CYP4F12: variants seen among roughly 807,000 people sequenced by gnomAD.
CYP4F12 encodes the protein cytochrome P450 family 4 subfamily F member 12.
In CYP4F12, 60 loss-of-function variants were observed where a neutral mutation model predicts 56.5. The ratio of observed to expected loss-of-function variants is 1.06; its 90% CI spans 0.86 to 1.32. The LOEUF (loss-of-function observed/expected upper bound fraction) is 1.32. CYP4F12 is among the 40% of genes most tolerant of loss of function. The probability of loss-of-function intolerance (pLI) is 0.00; values close to 1 mark genes in which losing one functional copy is unlikely to be tolerated. For synonymous variants in CYP4F12, 263 were observed against 264.9 expected (o/e 0.99, Z 0.07); for missense variants, 711 against 683.5 (o/e 1.04, Z -0.45).
At chr19:15,685,578 A>G (rs2007563159) in intron 9 of CYP4F12, among the ~76,000 whole-genome samples, 1 of 152,150 alleles carries the variant, frequency 6.6e-6, no homozygotes, top group Non-Finnish European at 1.5e-5. Flanking sequence ...CAATTCTTCC[A>G]TTATTGCTTA....
chr19:15,682,361 C>T (rs1217144265), intron 5 of CYP4F12, 28 bp from the exon 6 acceptor site: 18 of 1,609,868 alleles, frequency 1.1e-5, no homozygotes, highest in Non-Finnish European at 1.5e-5. Context: ...CAGGGCCCAG[C>T]TCTAGCTCTC....
intron 9 of CYP4F12, among the ~76,000 whole-genome samples, chr19:15,691,576 G>A (rs1041886983): frequency 6.6e-6 from 1 of 152,068 alleles, no homozygotes; most frequent in African/African-American, 2.4e-5. Context: ...AACATCCTTT[G>A]CCCAAGTTGA....
chr19:15,693,250 T>C (rs2007959641), intron 9 of CYP4F12, among the ~76,000 whole-genome samples: 1 of 152,148 alleles, frequency 6.6e-6, no homozygotes, highest in African/African-American at 2.4e-5. Flanking sequence ...TGTTTTATAG[T>C]TTTCAAATTC....
chr19:15,687,052 C>T (rs567753282), intron 9 of CYP4F12, among the ~76,000 whole-genome samples: 20 of 152,262 alleles, frequency 1.3e-4, no homozygotes, highest in African/African-American at 3.4e-4. Flanking sequence ...CCGAGGCGGG[C>T]GGATCACGAG....
intron 9 of CYP4F12, among the ~76,000 whole-genome samples, chr19:15,694,431 AT>A (rs1218646233): frequency 1.3e-5 from 2 of 151,782 alleles, no homozygotes; most frequent in Admixed American, 1.3e-4. Context: ...ATTCCTAGGT[AT>A]TTTCTTCTCT....
chr19:15,679,664 T>C (rs999915318), intron 3 of CYP4F12, among the ~76,000 whole-genome samples: 1 of 152,200 alleles, frequency 6.6e-6, no homozygotes, highest in Non-Finnish European at 1.5e-5. Flanking sequence ...CTCTTGGCCA[T>C]GTTTGTAGCT....
intron 2 of CYP4F12, among the ~76,000 whole-genome samples, chr19:15,675,101 A>T (rs1379475655): frequency 6.6e-6 from 1 of 152,172 alleles, no homozygotes; most frequent in Non-Finnish European, 1.5e-5. Context: ...TTCCAGGGAC[A>T]ATGTGCTCTT....
chr19:15,680,893 A>G (rs2007261525), intron 5 of CYP4F12: 1 of 340,940 alleles, frequency 2.9e-6, no homozygotes, highest in Non-Finnish European at 5.7e-6. Flanking sequence ...GTTCTTCTGG[A>G]TGTGGAAGGG....
chr19:15,689,596 A>G (rs994971666), intron 9 of CYP4F12, among the ~76,000 whole-genome samples: 21 of 152,216 alleles, frequency 1.4e-4, no homozygotes, highest in African/African-American at 4.8e-4. Flanking sequence ...CAGCAATCTC[A>G]CTACTAGGTA....
At chr19:15,678,852 C>T (rs113023755) in intron 3 of CYP4F12, among the ~76,000 whole-genome samples, 3,027 of 152,264 alleles carry the variant, frequency 0.02, 43 homozygotes, top group Non-Finnish European at 0.032. Context: ...CCCAGCCAGT[C>T]CTTGCACCAG....
chr19:15,685,394 G>C (rs905758343), intron 9 of CYP4F12, among the ~76,000 whole-genome samples, 197 bp downstream of exon 9: 1 of 152,138 alleles, frequency 6.6e-6, no homozygotes, highest in South Asian at 2.1e-4. Context: ...CGAAAGACCC[G>C]GGCTGCTAAG....
intron 2 of CYP4F12, among the ~76,000 whole-genome samples, chr19:15,675,015 A>G (rs2006848406): frequency 6.6e-6 from 1 of 152,202 alleles, no homozygotes; most frequent in South Asian, 2.1e-4. Context: ...CGCAGGAATT[A>G]TCTCTGACTT....
intron 9 of CYP4F12, among the ~76,000 whole-genome samples, chr19:15,690,983 T>G (rs2007843783): frequency 6.6e-6 from 1 of 152,248 alleles, no homozygotes; most frequent in Non-Finnish European, 1.5e-5. Context: ...GGGAACATGT[T>G]TTTTTCCACT....
At chr19:15,687,739 T>A (rs1485729190) in intron 9 of CYP4F12, among the ~76,000 whole-genome samples, 1 of 152,132 alleles carries the variant, frequency 6.6e-6, no homozygotes, top group Non-Finnish European at 1.5e-5. Flanking sequence ...CTTAACTCTA[T>A]CCAGGGCTTG....
Position 15,696,888 on chromosome 19 carries a change from G to C in CYP4F12, c.1398-20G>C. The C allele has an allele frequency of 6.2e-7, 1 of 1,601,016 alleles. No individual in the cohort carries two copies. Among genetic ancestry groups the C allele is most frequent in the East Asian group, 2.2e-5 (1 of 44,650 alleles). ...AATGCGGGTCTTGGGCACAGTCACA[G>C]TCCCCACTCCCGCCTGCAGGAACTG... On this transcript the variant is annotated intron_variant, in intron 12 of 12. Transcript: ENST00000550308.
At position 15,678,533 on chromosome 19, in the gene CYP4F12, A is replaced by T. The variant is rs1426762986; in HGVS notation, c.343+128A>T. 10 of 1,251,396 alleles carry T rather than the reference A, an allele frequency of 8.0e-6. No individual in the cohort carries two copies. In the Admixed American group the frequency reaches 1.9e-4, roughly 24 times the overall value. The allele number at this position is 1,251,396 out of a possible 1,614,324, so 77.5% of individuals were successfully genotyped here. On this transcript the variant is annotated intron_variant, in intron 3 of 12. Transcript: ENST00000550308. ...TTCCTTCTCAATGTCTTCTCCCTCC[A>T]TTGCCATCTGCTCCCTGTCTTGGTG... is the stretch of plus-strand genomic sequence containing the variant.
At position 15,696,478 on chromosome 19, in the gene CYP4F12, C is replaced by T. The variant is rs1382564645; in HGVS notation, c.1363C>T (p.Pro455Ser). ...CCCAGAGAACAGCAAGGGGAGGTCA[C>T]CTCTGGCTTTTATTCCTTTCTCCGC... The part of the protein sequence containing the change: ...FDPENSKGRS[P>S]LAFIPFSAGP... The change falls in exon 12 of 13, where the codon CCT (proline) becomes TCT (serine). Residue 455 changes from proline (P) to serine (S), a missense_variant. Physicochemically the swap from Pro to Ser is moderately conservative, Grantham distance 74. Coordinates refer to ENST00000550308, the MANE Select transcript of CYP4F12 (RefSeq NM_023944.4). 1 of 1,614,012 alleles carries T rather than the reference C, an allele frequency of 6.2e-7. No individual in the cohort carries two copies. Among genetic ancestry groups the T allele is most frequent in the African/African-American group, 1.3e-5 (1 of 74,910 alleles).
At chr19:15,695,067 G>C (rs1387751043) in intron 9 of CYP4F12, among the ~76,000 whole-genome samples, 1 of 152,058 alleles carries the variant, frequency 6.6e-6, no homozygotes, top group Non-Finnish European at 1.5e-5. Context: ...GTTTATTGCG[G>C]CACTATTCAC....
intron 9 of CYP4F12, among the ~76,000 whole-genome samples, chr19:15,691,656 T>C (rs2007873065): frequency 6.6e-6 from 1 of 152,212 alleles, no homozygotes; most frequent in South Asian, 2.1e-4. Context: ...TGGGTTCTTT[T>C]TTCTTATTTA....
Sources: gnomAD v4.1 joint callset for allele counts (sites outside exome capture counted in the v4.1 genomes callset) on GRCh38, gnomAD v4.1.1 for gene constraint, MANE v1.5 for transcripts, NCBI Gene and HGNC (gene_info 2026-07-23, HGNC 2026-07-21) for gene names.